SEMA3A: variants seen among roughly 807,000 people sequenced by gnomAD.
The protein encoded by SEMA3A is semaphorin-3A.
A neutral mutation model predicts 97.9 loss-of-function variants in SEMA3A; 29 were observed. The ratio of observed to expected loss-of-function variants is 0.30; its 90% CI spans 0.22 to 0.40. SEMA3A has a LOEUF of 0.40. Ranked by LOEUF, SEMA3A falls within the 10% of genes least tolerant of loss-of-function variation. The probability of loss-of-function intolerance (pLI) is 1.00; values close to 1 mark genes in which losing one functional copy is unlikely to be tolerated. For missense variants in SEMA3A, 763 were observed against 951.3 expected (o/e 0.80, Z 2.60); for synonymous variants, 321 against 323.7 (o/e 0.99, Z 0.09).
At position 83,961,341 on chromosome 7, in the gene SEMA3A, C is replaced by T; in HGVS notation, c.*30G>A. 1 of 1,570,554 alleles carries T rather than the reference C, an allele frequency of 6.4e-7. No individual in the cohort carries two copies. The highest frequency in any genetic ancestry group is 1.1e-5 in the South Asian group (1 of 89,598). ...CAGTTATTGTCTAGGCAAGTTTCTA[C>T]TTGTTTGAGGTTTCTAGAGGTAATG... On this transcript the variant is annotated 3_prime_UTR_variant, in exon 17 of 17. Coordinates refer to ENST00000265362, the MANE Select transcript of SEMA3A (RefSeq NM_006080.3).
At chr7:84,472,147 G>A (rs565681465) in intron 1 of SEMA3A, among the ~76,000 whole-genome samples, 1 of 152,056 alleles carries the variant, frequency 6.6e-6, no homozygotes, top group East Asian at 1.9e-4. Context: ...ATGTGTGAGT[G>A]TATGTGATTA....
At chr7:84,184,353 C>T (rs945197661) in intron 1 of SEMA3A, among the ~76,000 whole-genome samples, 1 of 152,158 alleles carries the variant, frequency 6.6e-6, no homozygotes, top group Admixed American at 6.5e-5. Context: ...AAGTCTGAGA[C>T]TCTATTGAAC....
chr7:84,462,051 T>G (rs1333134598), intron 1 of SEMA3A, among the ~76,000 whole-genome samples: 2 of 152,148 alleles, frequency 1.3e-5, no homozygotes, highest in African/African-American at 4.8e-5. Context: ...TTTTTAAACG[T>G]TGGTGATAGC....
At chr7:84,337,668 C>T (rs570787374) in intron 2 of SEMA3A, among the ~76,000 whole-genome samples, 53 of 152,164 alleles carry the variant, frequency 3.5e-4, no homozygotes, top group Admixed American at 2.2e-3. Flanking sequence ...ATGAAGCAAG[C>T]TTGCATTCTT....
intron 1 of SEMA3A, among the ~76,000 whole-genome samples, chr7:84,465,125 T>C (rs1805956784): frequency 6.6e-6 from 1 of 152,218 alleles, no homozygotes; most frequent in Admixed American, 6.5e-5. Flanking sequence ...CTGGATTTCA[T>C]GCAACATTAA....
chr7:84,469,120 C>G lies in SEMA3A; in HGVS notation c.-246+23340G>C, dbSNP rs749649728. Among the ~76,000 whole-genome samples the G allele has an allele frequency of 2.0e-5, 3 of 152,084 alleles. No individual in the cohort carries two copies. In the South Asian group the frequency reaches 6.2e-4, roughly 31 times the overall value. The stretch of plus-strand genomic sequence containing the variant: ...TTTTAAAAGTACTGTCCATGTTTTA[C>G]GTTTTGATATTTTTGAATAATAAAC... On this transcript the variant is annotated intron_variant, in intron 1 of 3. Coordinates refer to the SEMA3A transcript ENST00000424555.
chr7:84,334,860 G>A (rs1242070806), intron 2 of SEMA3A, among the ~76,000 whole-genome samples: 2 of 134,130 alleles, frequency 1.5e-5, no homozygotes, highest in East Asian at 4.5e-4. Flanking sequence ...CCCTGGCCCT[G>A]CCTCCTCAAT....
intron 1 of SEMA3A, among the ~76,000 whole-genome samples, chr7:84,425,878 C>CACGCACACACACACA (rs543736541): frequency 2.2e-5 from 1 of 45,746 alleles, no homozygotes; most frequent in African/African-American, 1.6e-4. Context: ...ACACACACAC[C>CACGCACACACACACA]CACACACACA....
At chr7:84,213,525 A>C (rs1309058530) in intron 3 of SEMA3A, among the ~76,000 whole-genome samples, 1 of 152,062 alleles carries the variant, frequency 6.6e-6, no homozygotes, top group Non-Finnish European at 1.5e-5. Context: ...CTCCCAAGTG[A>C]TCCTCCATCC....
At position 83,985,424 on chromosome 7, in the gene SEMA3A, T is replaced by C; in HGVS notation, c.1494+12A>G. 1 of 1,591,854 alleles carries C rather than the reference T, an allele frequency of 6.3e-7. No homozygotes were observed. Among genetic ancestry groups the C allele is most frequent in the Non-Finnish European group, 8.6e-7 (1 of 1,161,612 alleles). On this transcript the variant is annotated intron_variant, in intron 13 of 16. Coordinates refer to ENST00000265362, the MANE Select transcript of SEMA3A (RefSeq NM_006080.3). Reference sequence around the variant, plus strand: ...ATATTGGATATTCAATGGTAATACATAATGATAGTACCTGCTTAGTGGAAA... The same window carrying C: ...ATATTGGATATTCAATGGTAATACACAATGATAGTACCTGCTTAGTGGAAA...
intron 3 of SEMA3A, among the ~76,000 whole-genome samples, chr7:84,270,849 A>T (rs780261599): frequency 6.6e-6 from 1 of 151,736 alleles, no homozygotes; most frequent in Admixed American, 6.6e-5. Flanking sequence ...TATAGGCAGC[A>T]ATTGTGCTTC....
intron 3 of SEMA3A, among the ~76,000 whole-genome samples, chr7:84,270,660 C>CAT (rs1392668408): frequency 6.8e-6 from 1 of 146,724 alleles, no homozygotes; most frequent in African/African-American, 2.5e-5. Context: ...ATATTCTATT[C>CAT]ATATATATAT....
chr7:84,465,699 A>G (rs867785504), intron 1 of SEMA3A, among the ~76,000 whole-genome samples: 1 of 152,148 alleles, frequency 6.6e-6, no homozygotes, highest in Non-Finnish European at 1.5e-5. Context: ...AAGTAATTCT[A>G]TATTTTTCAT....
intron 3 of SEMA3A, among the ~76,000 whole-genome samples, chr7:84,246,228 T>G (rs945738403): frequency 1.3e-5 from 2 of 152,202 alleles, no homozygotes; most frequent in African/African-American, 4.8e-5. Flanking sequence ...CTGTTCCTAT[T>G]AGGCTATCCT....
At chr7:84,119,637 C>CA (rs1795541794) in intron 3 of SEMA3A, among the ~76,000 whole-genome samples, 1 of 152,112 alleles carries the variant, frequency 6.6e-6, no homozygotes. Flanking sequence ...AAAATATTAT[C>CA]AGAGTCCATG....
chr7:84,093,273 T>C (rs1445146269), intron 4 of SEMA3A, among the ~76,000 whole-genome samples: 2 of 152,212 alleles, frequency 1.3e-5, no homozygotes, highest in African/African-American at 4.8e-5. Context: ...TACATGCAGA[T>C]ATATATCCTA....
chr7:84,419,896 T>G (rs1804539327), intron 1 of SEMA3A, among the ~76,000 whole-genome samples: 1 of 152,156 alleles, frequency 6.6e-6, no homozygotes, highest in Admixed American at 6.6e-5. Flanking sequence ...CAAAAACTGC[T>G]TTTTTGTTTG....
chr7:84,247,904 G>T (rs946589867), intron 3 of SEMA3A, among the ~76,000 whole-genome samples: 5 of 152,240 alleles, frequency 3.3e-5, no homozygotes, highest in African/African-American at 1.2e-4. Flanking sequence ...ATTTCTTCAA[G>T]GTCCTTTAAG....
At chr7:84,191,636 A>G (rs1251626278) in intron 1 of SEMA3A, among the ~76,000 whole-genome samples, 1 of 151,836 alleles carries the variant, frequency 6.6e-6, no homozygotes, top group Non-Finnish European at 1.5e-5. Flanking sequence ...TTATGCATGG[A>G]CCACTTTTTA....
Sources: allele counts gnomAD v4.1 joint callset (sites outside exome capture counted in the v4.1 genomes callset), GRCh38; gene constraint gnomAD v4.1.1; transcripts MANE v1.5; gene names NCBI Gene and HGNC (gene_info 2026-07-23, HGNC 2026-07-21).